The following MAPRE2 variants were observed in gnomAD, a reference collection of about 807,000 sequenced individuals.
MAPRE2 encodes the protein microtubule associated protein RP/EB family member 2, also known as microtubule-associated protein RP/EB family member 2.
MAPRE2 carries 13 observed loss-of-function variants against 43.2 expected under a neutral mutation model. That is an observed-to-expected ratio of 0.30 (90% CI 0.20 to 0.48). MAPRE2 has a LOEUF of 0.48. Ranked by LOEUF, MAPRE2 falls within the 20% of genes least tolerant of loss-of-function variation. The pLI, the probability that MAPRE2 is intolerant of heterozygous loss-of-function variation, is 0.99. For missense variants in MAPRE2, 161 were observed against 400.2 expected, an observed-to-expected ratio of 0.40 and a Z score of 5.10; for synonymous variants, 135 against 148.8, an observed-to-expected ratio of 0.91 and a Z score of 0.68.
At chr18:35,061,969 A>G (rs963084614) in intron 1 of MAPRE2, among the ~76,000 whole-genome samples, 5 of 152,232 alleles carry the variant, frequency 3.3e-5, no homozygotes, top group Non-Finnish European at 7.3e-5. Context: ...AGAATGAATT[A>G]TGCGCAGATG....
At chr18:35,095,363 T>C (rs377185099) in intron 2 of MAPRE2, among the ~76,000 whole-genome samples, 5 of 136,088 alleles carry the variant, frequency 3.7e-5, no homozygotes, top group Admixed American at 7.4e-5. Flanking sequence ...TTTAAGAAAA[T>C]ACACACACAC....
At chr18:34,995,233 T>C (rs946192291) in intron 1 of MAPRE2, among the ~76,000 whole-genome samples, 3 of 152,182 alleles carry the variant, frequency 2.0e-5, no homozygotes, top group African/African-American at 7.2e-5. Flanking sequence ...AGAATAATGG[T>C]CCCAGTATGG....
chr18:35,053,752 A>G (rs565379345), intron 1 of MAPRE2, among the ~76,000 whole-genome samples: 1 of 152,318 alleles, frequency 6.6e-6, no homozygotes, highest in East Asian at 1.9e-4. Context: ...TAATGAACAC[A>G]AAGAAGAGAA....
intron 4 of MAPRE2, among the ~76,000 whole-genome samples, chr18:35,103,550 G>A (rs575753117): frequency 1.3e-5 from 2 of 152,296 alleles, no homozygotes; most frequent in East Asian, 1.9e-4. Context: ...TGTGTCTGGA[G>A]CTCAAAGGAG....
In MAPRE2 at chr18:35,027,406, C is replaced by T. The variant is rs951791000; in HGVS notation, c.-8+21853C>T. 7.2e-5 allele frequency among the ~76,000 whole-genome samples: 11 copies of T among 152,250 alleles called. No homozygotes were observed. The East Asian group carries it at 2.1e-3, about 29-fold the overall frequency. On this transcript the variant is annotated intron_variant, in intron 2 of 7. Transcript: ENST00000413393. ...ACCCAGCCACCATGCTGTGAGGAGCCCAGGCCACATGGGGAAGCCTTGCAT... is the reference window on the plus strand; with the variant it reads ...ACCCAGCCACCATGCTGTGAGGAGCTCAGGCCACATGGGGAAGCCTTGCAT...
intron 2 of MAPRE2, among the ~76,000 whole-genome samples, chr18:35,086,906 G>A (rs1017621794): frequency 8.5e-5 from 13 of 152,170 alleles, no homozygotes; most frequent in African/African-American, 1.4e-4. Context: ...TGTTTCTTGC[G>A]TAATATATTC....
chr18:35,044,332 G>C (rs1440073728), intron 1 of MAPRE2, among the ~76,000 whole-genome samples: 2 of 152,252 alleles, frequency 1.3e-5, no homozygotes, highest in African/African-American at 4.8e-5. Context: ...CCGGGTTCAA[G>C]AGATTCTCCT....
At position 35,000,781 on chromosome 18, in the gene MAPRE2, A is replaced by C. The variant is rs368594106; in HGVS notation, c.-69-4711A>C. On this transcript the variant is annotated intron_variant, in intron 1 of 7. Transcript: ENST00000413393. Reference sequence around the variant, plus strand: ...GCTGCCCTAGTGCTCACAATGGCTAAAGAATAAAAGTCAGTATGATCTTTC... The same window carrying C: ...GCTGCCCTAGTGCTCACAATGGCTACAGAATAAAAGTCAGTATGATCTTTC... Among the ~76,000 whole-genome samples, 16 of 152,316 alleles carry C rather than the reference A, an allele frequency of 1.1e-4. 1 individual carries two copies. Among genetic ancestry groups the C allele is most frequent in the Admixed American group, 4.6e-4 (7 of 15,306 alleles).
chr18:35,119,326 T>G (rs76732719), intron 4 of MAPRE2, among the ~76,000 whole-genome samples: 12 of 152,330 alleles, frequency 7.9e-5, no homozygotes, highest in African/African-American at 2.9e-4. Flanking sequence ...TATTTAAAAT[T>G]GCTACTTACC....
intron 2 of MAPRE2, among the ~76,000 whole-genome samples, chr18:35,029,914 G>A (rs2097047004): frequency 6.6e-6 from 1 of 152,206 alleles, no homozygotes; most frequent in Non-Finnish European, 1.5e-5. Flanking sequence ...TCTTGGCATA[G>A]TGAAAATGAA....
At chr18:35,125,437 C>T (rs1444079124) in intron 4 of MAPRE2, among the ~76,000 whole-genome samples, 1 of 152,216 alleles carries the variant, frequency 6.6e-6, no homozygotes, top group Non-Finnish European at 1.5e-5. Flanking sequence ...TAAACTTTTG[C>T]TCTTTAAGCA....
intron 2 of MAPRE2, among the ~76,000 whole-genome samples, chr18:35,080,448 AGAGAAAGGCCCCTG>A (rs1311956207): frequency 6.6e-6 from 1 of 152,222 alleles, no homozygotes; most frequent in Admixed American, 6.5e-5. Flanking sequence ...AAGCAAAGGC[AGAGAAAGGCCCCTG>A]GAGAAAGGTA....
At chr18:35,047,924 A>C (rs1905717613) in intron 1 of MAPRE2, among the ~76,000 whole-genome samples, 1 of 152,162 alleles carries the variant, frequency 6.6e-6, no homozygotes, top group African/African-American at 2.4e-5. Context: ...AAATATGGCA[A>C]AAACTCAAAC....
intron 2 of MAPRE2, among the ~76,000 whole-genome samples, chr18:35,088,852 C>A (rs1368064845): frequency 6.6e-6 from 1 of 152,112 alleles, no homozygotes; most frequent in African/African-American, 2.4e-5. Flanking sequence ...AGCAGAGAAG[C>A]TTTTGATGAC....
intron 3 of MAPRE2, 41 bp downstream of exon 3, chr18:35,097,632 T>A: frequency 1.3e-6 from 2 of 1,569,284 alleles, no homozygotes; most frequent in Non-Finnish European, 1.7e-6. Context: ...TGTTTTTTCT[T>A]AAAATTGTTT....
chr18:34,994,179 C>A (rs1446569861), intron 1 of MAPRE2, among the ~76,000 whole-genome samples: 1 of 151,666 alleles, frequency 6.6e-6, no homozygotes, highest in Non-Finnish European at 1.5e-5. Context: ...AAAAAGGAAA[C>A]CATGTGGGAT....
intron 2 of MAPRE2, among the ~76,000 whole-genome samples, chr18:35,071,773 A>C (rs982358941): frequency 1.4e-4 from 21 of 152,226 alleles, no homozygotes; most frequent in Non-Finnish European, 2.9e-4. Flanking sequence ...TGATCAGAAT[A>C]CTCCTAGAGC....
intron 2 of MAPRE2, among the ~76,000 whole-genome samples, chr18:35,035,578 A>G (rs1464659921): frequency 2.0e-5 from 3 of 151,898 alleles, no homozygotes; most frequent in Non-Finnish European, 4.4e-5. Context: ...TTCAGTAGTT[A>G]TTGATGTGTC....
chr18:35,002,060 TG>T (rs2097029649), intron 1 of MAPRE2, among the ~76,000 whole-genome samples: 1 of 152,186 alleles, frequency 6.6e-6, no homozygotes, highest in African/African-American at 2.4e-5. Flanking sequence ...ATATTTGTGT[TG>T]CCTTTTATAA....
Sources: gnomAD v4.1 joint callset for allele counts (sites outside exome capture counted in the v4.1 genomes callset) on GRCh38, gnomAD v4.1.1 for gene constraint, MANE v1.5 for transcripts, NCBI Gene and HGNC (gene_info 2026-07-23, HGNC 2026-07-21) for gene names.